SCAI: variants seen among roughly 807,000 people sequenced by gnomAD.
The protein encoded by SCAI is suppressor of cancer cell invasion, also known as protein SCAI.
In SCAI, 24 loss-of-function variants were observed where a neutral mutation model predicts 92.2. The observed-to-expected ratio is 0.26, with a 90% confidence interval of 0.19 to 0.37. SCAI has a LOEUF of 0.37. Ranked by LOEUF, SCAI falls within the 10% of genes least tolerant of loss-of-function variation. The pLI is 1.00. For missense variants in SCAI, 450 were observed against 736.2 expected (o/e 0.61, Z 4.50); for synonymous variants, 261 against 258.6 (o/e 1.01, Z -0.09).
At chr9:125,131,778 G>A (rs1224955584) in intron 2 of SCAI, among the ~76,000 whole-genome samples, 1 of 152,166 alleles carries the variant, frequency 6.6e-6, no homozygotes, top group Admixed American at 6.6e-5. Context: ...GGATGTTGCT[G>A]AGGCAAACCT....
At position 124,949,006 on chromosome 9, in the gene SCAI, T is replaced by A. The variant is rs1831195015; in HGVS notation, c.*3801A>T. 6.6e-6 allele frequency: 1 copy of A among 152,264 alleles called. No individual in the cohort carries two copies. The highest frequency in any genetic ancestry group is 6.5e-5 in the Admixed American group (1 of 15,284). The allele number at this position is 152,264 out of a possible 1,614,324, so 9.4% of individuals were successfully genotyped here. The stretch of plus-strand genomic sequence containing the variant: ...TTGGGCAACTGTCCTTTTAGATAAT[T>A]CTTCTCCCTTGATTAAAGAAATACA... On this transcript the variant is annotated 3_prime_UTR_variant, in exon 18 of 18. Transcript: ENST00000336505. This position sits in a 1 kb window ranked among gnomAD's most constrained non-coding sequence, Gnocchi z 4.0.
chr9:125,057,432 G>A (rs1833691725), intron 2 of SCAI, among the ~76,000 whole-genome samples: 1 of 151,948 alleles, frequency 6.6e-6, no homozygotes, highest in African/African-American at 2.4e-5. Context: ...CCCAGAATTA[G>A]AGAAAATGTA....
intron 3 of SCAI, among the ~76,000 whole-genome samples, chr9:125,031,304 C>T (rs191306904): frequency 2.5e-4 from 38 of 152,058 alleles, no homozygotes; most frequent in African/African-American, 9.2e-4. Context: ...TCTTGCCGCC[C>T]AGGCTGGAGT....
Position 124,952,719 on chromosome 9 carries a change from C to A in SCAI, c.*88G>T. The A allele has an allele frequency of 9.8e-7, 1 of 1,016,408 alleles. No individual in the cohort carries two copies. The highest frequency in any genetic ancestry group is 1.4e-6 in the Non-Finnish European group (1 of 707,490). The allele number at this position is 1,016,408 out of a possible 1,614,324, so 63.0% of individuals were successfully genotyped here. On this transcript the variant is annotated 3_prime_UTR_variant, in exon 18 of 18. Transcript: ENST00000336505. ...AAATTAAAAAATAAAAACTAAGTAA[C>A]ACCACTATGTGTCTTATCACGTTAG...
intron 6 of SCAI, among the ~76,000 whole-genome samples, chr9:125,025,135 T>C (rs369139279): frequency 2.0e-5 from 3 of 152,214 alleles, no homozygotes; most frequent in Non-Finnish European, 2.9e-5. Flanking sequence ...ACTCTTACCC[T>C]GTGTAAACTA....
intron 9 of SCAI, among the ~76,000 whole-genome samples, chr9:125,015,990 T>C (rs1832748852): frequency 1.6e-5 from 2 of 121,900 alleles, no homozygotes; most frequent in Middle Eastern, 6.1e-3. Context: ...TGAGAACACA[T>C]GGACACAGGA....
chr9:124,980,012 T>A (rs967404973), intron 14 of SCAI, among the ~76,000 whole-genome samples: 13 of 145,380 alleles, frequency 8.9e-5, no homozygotes, highest in Admixed American at 2.1e-4. Context: ...ATCGGACCAC[T>A]GCACTCCAGC....
In SCAI at chr9:125,066,082, AAAAC is replaced by A. The variant is rs1455255369; in HGVS notation, c.99-10079_99-10076del. ...TACTGTATTGAATAAAGAAAAAAAG[AAAAC>A]AAAGATATAAGCTGTTATTATTTGT... is the stretch of plus-strand genomic sequence containing the variant. On this transcript the variant is annotated intron_variant, in intron 2 of 17. Transcript: ENST00000336505. 7 of 726,020 alleles carry A rather than the reference AAAAC, an allele frequency of 9.6e-6. No homozygotes were observed. In the Admixed American group the frequency reaches 1.1e-4, roughly 12 times the overall value. 45.0% of individuals were successfully genotyped at this position (726,020 alleles called of 1,614,324 possible). A position where few individuals can be genotyped will look rare whatever the true frequency, so the allele number is the denominator to read the frequency against.
rs1480418401 is a variant in SCAI, at chr9:124,968,497, C to T, written c.1674+2873G>A. On this transcript the variant is annotated intron_variant, in intron 17 of 17. Transcript: ENST00000336505. ...TTGTTTGGTGTCTGCTTGTTGATCA[C>T]GTAGGTTGCTAGATCTCTACCCAGT... 1.1e-5 allele frequency: 10 copies of T among 877,268 alleles called. No individual in the cohort carries two copies. The Admixed American group carries it at 1.2e-4, about 10-fold the overall frequency. 54.3% of individuals were successfully genotyped at this position (877,268 alleles called of 1,614,324 possible).
intron 3 of SCAI, among the ~76,000 whole-genome samples, chr9:125,044,025 C>A (rs1833384901): frequency 6.6e-6 from 1 of 152,162 alleles, no homozygotes; most frequent in Non-Finnish European, 1.5e-5. Flanking sequence ...AGTACCTGCT[C>A]CTGCTCCCTG....
intron 2 of SCAI, among the ~76,000 whole-genome samples, chr9:125,141,799 G>A (rs1835672801): frequency 6.6e-6 from 1 of 152,168 alleles, no homozygotes; most frequent in African/African-American, 2.4e-5. Context: ...GCCTCTCTGT[G>A]TCGCAGTTCC....
At chr9:125,042,612 A>T in intron 3 of SCAI, among the ~76,000 whole-genome samples, 1 of 71,040 alleles carries the variant, frequency 1.4e-5, no homozygotes, top group East Asian at 3.8e-4. Flanking sequence ...CTTCCACCAG[A>T]GTATGTGTGT....
chr9:125,119,408 T>C (rs1835114020), intron 2 of SCAI, among the ~76,000 whole-genome samples: 1 of 152,210 alleles, frequency 6.6e-6, no homozygotes, highest in African/African-American at 2.4e-5. Flanking sequence ...TGTCCAATAT[T>C]TGATTTCTTG....
intron 9 of SCAI, among the ~76,000 whole-genome samples, chr9:125,013,555 A>G (rs1480038021): frequency 6.6e-6 from 1 of 152,234 alleles, no homozygotes; most frequent in African/African-American, 2.4e-5. Flanking sequence ...ACCAACCAAA[A>G]AGAGTCCAGG....
chr9:124,952,794 CA>C lies in SCAI; in HGVS notation c.*12del. 2 of 1,599,248 alleles carry C rather than the reference CA, an allele frequency of 1.3e-6. No individual in the cohort carries two copies. The highest frequency in any genetic ancestry group is 1.7e-6 in the Non-Finnish European group (2 of 1,172,270). On this transcript the variant is annotated 3_prime_UTR_variant, in exon 18 of 18. Transcript: ENST00000336505. ...GGAAAATGAAAACTTGTTTCGACAA[CA>C]GGGTTTTTGTTTTAATAGTCATCAA...
intron 14 of SCAI, among the ~76,000 whole-genome samples, chr9:124,990,366 A>G (rs1296453788): frequency 6.6e-6 from 1 of 151,928 alleles, no homozygotes; most frequent in Non-Finnish European, 1.5e-5. Flanking sequence ...GCACGTGCTT[A>G]TAATCCCAGC....
rs368260279 is a variant in SCAI at position 125,004,881 on chromosome 9, C to T, written c.862-1311G>A. Among the ~76,000 whole-genome samples the T allele has an allele frequency of 8.3e-5, 12 of 145,450 alleles. 1 individual carries two copies. In the South Asian group the frequency reaches 1.6e-3, roughly 19 times the overall value. ...TCGGCTCACTGCAACCTCCTCCTCC[C>T]GGGTTCAAACGATTCTCCTGCCTCA... On this transcript the variant is annotated intron_variant, in intron 9 of 17. Transcript: ENST00000336505.
chr9:124,968,485 G>A, intron 17 of SCAI: 1 of 904,136 alleles, frequency 1.1e-6, no homozygotes, highest in Non-Finnish European at 1.9e-6. Flanking sequence ...TTTGGTGTCT[G>A]CTTGTTGATC....
At chr9:125,106,894 T>C (rs1834813783) in intron 2 of SCAI, among the ~76,000 whole-genome samples, 1 of 150,344 alleles carries the variant, frequency 6.7e-6, no homozygotes, top group Non-Finnish European at 1.5e-5. Context: ...TTTAAGTTTT[T>C]TGTAGCATCA....
Sources: gnomAD v4.1 joint callset for allele counts (sites outside exome capture counted in the v4.1 genomes callset) on GRCh38, gnomAD v4.1.1 for gene constraint, Gnocchi (gnomAD v3.1) non-coding constraint, MANE v1.5 for transcripts, NCBI Gene and HGNC (gene_info 2026-07-23, HGNC 2026-07-21) for gene names.